The following DGKK variants were observed in gnomAD, a reference collection of about 807,000 sequenced individuals.
DGKK encodes the protein diacylglycerol kinase kappa, also known as 142 kDa diacylglycerol kinase.
A neutral mutation model predicts 92.2 loss-of-function variants in DGKK; 35 were observed. That is an observed-to-expected ratio of 0.38 (90% CI 0.29 to 0.50). The LOEUF is 0.50. Ranked by LOEUF, DGKK falls within the 20% of genes least tolerant of loss-of-function variation. The pLI is 0.92. For synonymous variants in DGKK, 368 were observed against 360.6 expected (o/e 1.02, Z -0.23); for missense variants, 910 against 992.2 (o/e 0.92, Z 1.11).
At chrX:50,449,361 C>T (rs1356382237) in intron 1 of DGKK, among the ~76,000 whole-genome samples, 1 of 111,723 alleles carries the variant, frequency 9.0e-6, no homozygotes, top group African/African-American at 3.3e-5. Flanking sequence ...CATCAATAGC[C>T]ATCCCACAGA....
At chrX:50,443,391 CAGAT>C (rs782791309) in intron 1 of DGKK, among the ~76,000 whole-genome samples, 1 of 111,492 alleles carries the variant, frequency 9.0e-6, no homozygotes, top group South Asian at 3.8e-4. Flanking sequence ...CAAAATGACA[CAGAT>C]AGAACCAAAA....
chrX:50,453,012 T>G (rs1360762324), intron 1 of DGKK, among the ~76,000 whole-genome samples: 4 of 111,579 alleles, frequency 3.6e-5, no homozygotes, highest in African/African-American at 1.3e-4. Context: ...TTATAAGCAT[T>G]TTAAAAGTTT....
In DGKK at chrX:50,368,391, C is replaced by G. The variant is rs1038061775; in HGVS notation, c.*549G>C. 2 of 111,619 alleles carry G rather than the reference C, an allele frequency of 1.8e-5. No homozygotes were observed. The highest frequency in any genetic ancestry group is 3.3e-5 in the African/African-American group (1 of 30,624). The allele number at this position is 111,619 out of a possible 1,213,427, so 9.2% of individuals were successfully genotyped here. ...ATGGTCATCTTAACAGGAAAGTGGA[C>G]AAGCCCCCAGGATCTAGTTCTCATT... is the stretch of plus-strand genomic sequence containing the variant. On this transcript the variant is annotated 3_prime_UTR_variant, in exon 28 of 28. Coordinates refer to ENST00000611977, the MANE Select transcript of DGKK (RefSeq NM_001013742.4).
chrX:50,435,721 A>ATG (rs1569544915), intron 1 of DGKK, among the ~76,000 whole-genome samples: 1 of 70,670 alleles, frequency 1.4e-5, no homozygotes, highest in Admixed American at 2.0e-4. Flanking sequence ...GTGTGTGTGT[A>ATG]TGTGTGTGTG....
Position 50,410,796 on chromosome X carries a change from G to C in DGKK, c.943-6612C>G, listed in dbSNP as rs1354139999. 3.6e-5 allele frequency among the ~76,000 whole-genome samples: 4 copies of C among 111,635 alleles called. No homozygotes were observed. In the Admixed American group the frequency reaches 3.8e-4, roughly 11 times the overall value. Reference sequence around the variant, plus strand: ...TCCCTGGAGTTATGGTTTCTAAGTGGGAAAAGAGAGTTGAAGGCAGATATT... The same window carrying C: ...TCCCTGGAGTTATGGTTTCTAAGTGCGAAAAGAGAGTTGAAGGCAGATATT... On this transcript the variant is annotated intron_variant, in intron 4 of 27. Transcript: ENST00000611977.
chrX:50,385,865 G>T (rs782622197), intron 15 of DGKK, among the ~76,000 whole-genome samples: 1 of 112,232 alleles, frequency 8.9e-6, no homozygotes, highest in East Asian at 2.8e-4. Context: ...AGACTGTCGT[G>T]AGTTCTGAGC....
intron 4 of DGKK, among the ~76,000 whole-genome samples, chrX:50,416,121 C>G (rs782205913): frequency 9.0e-6 from 1 of 111,136 alleles, no homozygotes; most frequent in Non-Finnish European, 1.9e-5. Context: ...CAGAAGACTC[C>G]CATCTATGAA....
chrX:50,375,963 C>T, intron 24 of DGKK, 61 bp downstream of exon 24: 1 of 1,147,447 alleles, frequency 8.7e-7, no homozygotes, highest in African/African-American at 1.8e-5. Flanking sequence ...CACTTCTTTC[C>T]CTTTCATCCT....
chrX:50,423,049 A>C (rs946512689), intron 2 of DGKK, among the ~76,000 whole-genome samples: 50 of 112,362 alleles, frequency 4.4e-4, no homozygotes, highest in Non-Finnish European at 8.3e-4. Context: ...TCACCAGTAT[A>C]CAAACTGTGC....
chrX:50,405,557 A>C (rs995668755), intron 4 of DGKK, among the ~76,000 whole-genome samples: 1 of 107,866 alleles, frequency 9.3e-6, no homozygotes, highest in Admixed American at 9.8e-5. Flanking sequence ...AGAGAGAGAG[A>C]GCTAGCTACT....
intron 1 of DGKK, among the ~76,000 whole-genome samples, chrX:50,441,700 C>T (rs1484755033): frequency 1.8e-5 from 2 of 111,481 alleles, no homozygotes; most frequent in African/African-American, 6.5e-5. Flanking sequence ...GCTTTCTCTT[C>T]CCCAAGTTTA....
rs782270355 is a variant in DGKK, at chrX:50,470,657, C to T, written c.22G>A (p.Ala8Thr). The stretch of plus-strand genomic sequence containing the variant: ...TCCTGAGGCGGGGCAGTGCCCTGGG[C>T]TGCGGCAGCTCCGCGGTCCATGGCC... MDRGAAA[A>T]QGTAPPQDGE... Residue 8 changes from alanine (A) to threonine (T), a missense_variant, in exon 1 of 28, where the codon GCC (alanine) becomes ACC (threonine). Transcript: ENST00000611977. 64 of 1,118,174 alleles carry T rather than the reference C, an allele frequency of 5.7e-5. No individual in the cohort carries two copies. The South Asian group carries it at 1.1e-3, about 19-fold the overall frequency. The allele number at this position is 1,118,174 out of a possible 1,213,427, so 92.2% of individuals were successfully genotyped here. A position where few individuals can be genotyped will look rare whatever the true frequency, so the allele number is the denominator to read the frequency against.
chrX:50,395,989 G>A (rs782164752), intron 8 of DGKK, among the ~76,000 whole-genome samples: 2 of 111,264 alleles, frequency 1.8e-5, no homozygotes, highest in African/African-American at 6.5e-5. Flanking sequence ...TCATATAGAC[G>A]TGTATGTAAA....
intron 1 of DGKK, among the ~76,000 whole-genome samples, chrX:50,434,425 C>T (rs1557230579): frequency 4.5e-5 from 5 of 111,488 alleles, no homozygotes; most frequent in African/African-American, 1.3e-4. Flanking sequence ...GGGGTTTGAA[C>T]CCTGATCTTT....
At position 50,368,866 on chromosome X, in the gene DGKK, C is replaced by G; in HGVS notation, c.*74G>C. 1 of 879,383 alleles carries G rather than the reference C, an allele frequency of 1.1e-6. No homozygotes were observed. Among genetic ancestry groups the G allele is most frequent in the Non-Finnish European group, 1.6e-6 (1 of 613,918 alleles). 72.5% of individuals were successfully genotyped at this position (879,383 alleles called of 1,213,427 possible). A position where few individuals can be genotyped will look rare whatever the true frequency, so the allele number is the denominator to read the frequency against. The stretch of plus-strand genomic sequence containing the variant: ...CATGTTTGTTCTGAAATGATTTAGT[C>G]TAGCCTGTATTGAGGTTTTGAGAGT... On this transcript the variant is annotated 3_prime_UTR_variant, in exon 28 of 28. Transcript: ENST00000611977.
In DGKK at chrX:50,376,176, G is replaced by A. The variant is rs942780893; in HGVS notation, c.3273-11C>T. ...CTCAGGTCATTAAGTCTGTAATAAA[G>A]CAAGGACAGATAGATGAGTTGGGAT... On this transcript the variant is annotated splice_polypyrimidine_tract_variant and intron_variant, in intron 23 of 27. Transcript: ENST00000611977. 2 of 1,207,734 alleles carry A rather than the reference G, an allele frequency of 1.7e-6. No individual in the cohort carries two copies. Among genetic ancestry groups the A allele is most frequent in the African/African-American group, 1.7e-5 (1 of 57,710 alleles).
At position 50,393,345 on chromosome X, in the gene DGKK, C is replaced by T. The variant is rs200315703; in HGVS notation, c.1412-10G>A. On this transcript the variant is annotated splice_polypyrimidine_tract_variant and intron_variant, in intron 8 of 27. Coordinates refer to ENST00000611977, the MANE Select transcript of DGKK (RefSeq NM_001013742.4). ...GATACTACTAATTGGCCTGACACAA[C>T]GAAAAGAAAAAGAAGAAAAAAAAGA... 2.7e-5 allele frequency: 32 copies of T among 1,172,274 alleles called. No homozygotes were observed. The highest frequency in any genetic ancestry group is 1.2e-4 in the East Asian group (4 of 33,114).
At chrX:50,403,981 C>T (rs1437637965) in intron 5 of DGKK, 68 bp downstream of exon 5, 1 of 1,155,924 alleles carries the variant, frequency 8.7e-7, no homozygotes, top group African/African-American at 1.8e-5. Context: ...GATACTAAAG[C>T]CACATGAGTT....
chrX:50,385,962 C>T (rs938850387), intron 15 of DGKK, among the ~76,000 whole-genome samples: 1 of 111,692 alleles, frequency 9.0e-6, no homozygotes, highest in Admixed American at 9.5e-5. Flanking sequence ...GAGTTGAACA[C>T]CATTTTCTTT....
Sources: gnomAD v4.1 joint callset for allele counts (sites outside exome capture counted in the v4.1 genomes callset) on GRCh38, gnomAD v4.1.1 for gene constraint, MANE v1.5 for transcripts, NCBI Gene and HGNC (gene_info 2026-07-23, HGNC 2026-07-21) for gene names.